Variants in KCNH7 observed in about 807,000 individuals in gnomAD.
KCNH7 encodes the protein voltage-gated inwardly rectifying potassium channel KCNH7.
KCNH7 carries 49 observed loss-of-function variants against 120.8 expected under a neutral mutation model. The ratio of observed to expected loss-of-function variants is 0.41; its 90% CI spans 0.32 to 0.51. The LOEUF (loss-of-function observed/expected upper bound fraction) is 0.51, where lower values mean the gene tolerates loss of function less well. Among genes scored for constraint, KCNH7 ranks in the 20% least tolerant of loss-of-function variants. KCNH7 has a pLI of 0.38. For missense variants in KCNH7, 1,097 were observed against 1,446.6 expected, an observed-to-expected ratio of 0.76 and a Z score of 3.92; for synonymous variants, 547 against 516.1, an observed-to-expected ratio of 1.06 and a Z score of -0.81.
At chr2:162,824,047 A>G (rs112976831) in intron 2 of KCNH7, among the ~76,000 whole-genome samples, 3,930 of 152,278 alleles carry the variant, frequency 0.026, 164 homozygotes, top group African/African-American at 0.089. Flanking sequence ...ATGATATTAT[A>G]AAATCTTACT....
rs892517888 is a variant in KCNH7, at chr2:162,518,122, A to G, written c.500T>C (p.Val167Ala). 1 of 1,611,502 alleles carries G rather than the reference A, an allele frequency of 6.2e-7. No individual in the cohort carries two copies. Among genetic ancestry groups the G allele is most frequent in the Non-Finnish European group, 8.5e-7 (1 of 1,178,340 alleles). ...FFGFKFPGLR[V>A]LTYRKQSLPQ... The stretch of plus-strand genomic sequence containing the variant: ...TAAGGACTGCTTTCTGTAAGTGAGA[A>G]CTCTCAGACCAGGGAATTTGAACCC... The change falls in exon 4 of 16, where the codon GTT becomes GCT. Residue 167 changes from valine (V) to alanine (A), a missense_variant. By Grantham distance (64) the Val-to-Ala change is moderately conservative (BLOSUM62 0). Transcript: ENST00000332142.
At chr2:162,645,927 T>C (rs976869718) in intron 2 of KCNH7, among the ~76,000 whole-genome samples, 29 of 152,282 alleles carry the variant, frequency 1.9e-4, no homozygotes, top group Admixed American at 1.8e-3. Context: ...AAATCACCCT[T>C]TTCCCTGTTG....
At chr2:162,829,562 T>C (rs1338829775) in intron 2 of KCNH7, among the ~76,000 whole-genome samples, 1 of 152,132 alleles carries the variant, frequency 6.6e-6, no homozygotes, top group East Asian at 1.9e-4. Flanking sequence ...GGTAAGTCAT[T>C]GGTGGGGTAG....
chr2:162,471,477 G>A (rs1173177196), intron 6 of KCNH7, among the ~76,000 whole-genome samples: 1 of 152,172 alleles, frequency 6.6e-6, no homozygotes, highest in African/African-American at 2.4e-5. Flanking sequence ...TGGAGATGGT[G>A]TGGGTGAAGA....
At chr2:162,652,720 C>T (rs189363154) in intron 2 of KCNH7, among the ~76,000 whole-genome samples, 2 of 152,112 alleles carry the variant, frequency 1.3e-5, no homozygotes, top group Admixed American at 6.6e-5. Context: ...GTCCATGGCC[C>T]GGGGGCTGGG....
At chr2:162,753,464 TGAATCATGA>T (rs1216229768) in intron 2 of KCNH7, among the ~76,000 whole-genome samples, 1 of 152,188 alleles carries the variant, frequency 6.6e-6, no homozygotes, top group African/African-American at 2.4e-5. Context: ...CCCTGGAATC[TGAATCATGA>T]GAAAAAATTC....
At chr2:162,433,668 T>C (rs1688143336) in intron 8 of KCNH7, among the ~76,000 whole-genome samples, 2 of 151,902 alleles carry the variant, frequency 1.3e-5, no homozygotes, top group African/African-American at 4.8e-5. Context: ...CCTCAAACCA[T>C]AAGAATCCTA....
At chr2:162,420,564 G>A (rs938358800) in intron 9 of KCNH7, among the ~76,000 whole-genome samples, 1 of 152,104 alleles carries the variant, frequency 6.6e-6, no homozygotes, top group Non-Finnish European at 1.5e-5. Flanking sequence ...TACACAAAAA[G>A]CAAAAGATGC....
At chr2:162,759,550 G>A (rs1688899199) in intron 2 of KCNH7, among the ~76,000 whole-genome samples, 1 of 151,960 alleles carries the variant, frequency 6.6e-6, no homozygotes, top group African/African-American at 2.4e-5. Context: ...AGAATAGTAA[G>A]GGCATGTCAC....
intron 9 of KCNH7, among the ~76,000 whole-genome samples, chr2:162,415,797 T>G (rs895796804): frequency 1.3e-5 from 2 of 152,152 alleles, no homozygotes; most frequent in Non-Finnish European, 2.9e-5. Flanking sequence ...TTAATGTTAT[T>G]CTCATATTTA....
At chr2:162,652,440 G>A (rs544236041) in intron 2 of KCNH7, among the ~76,000 whole-genome samples, 1 of 152,134 alleles carries the variant, frequency 6.6e-6, no homozygotes, top group Non-Finnish European at 1.5e-5. Flanking sequence ...GTGGGGGGAG[G>A]GGTAGTGTGG....
chr2:162,563,044 G>T (rs1364561900), intron 2 of KCNH7, among the ~76,000 whole-genome samples: 1 of 151,778 alleles, frequency 6.6e-6, no homozygotes, highest in East Asian at 2.0e-4. Context: ...TTTTCATAGG[G>T]TAATTATTTT....
intron 2 of KCNH7, among the ~76,000 whole-genome samples, chr2:162,662,247 G>T (rs959364605): frequency 1.3e-5 from 2 of 151,922 alleles, no homozygotes; most frequent in African/African-American, 4.8e-5. Context: ...TGGGTGACAG[G>T]GCGAGACTCT....
chr2:162,394,179 A>C (rs1030856797), intron 12 of KCNH7, among the ~76,000 whole-genome samples: 1 of 151,950 alleles, frequency 6.6e-6, no homozygotes, highest in Admixed American at 6.6e-5. Flanking sequence ...TGTCCTTGTG[A>C]ATATTAGATG....
chr2:162,386,620 A>C (rs1686580842), intron 12 of KCNH7, among the ~76,000 whole-genome samples: 1 of 151,748 alleles, frequency 6.6e-6, no homozygotes. Context: ...TCATTTCTAC[A>C]CTTTTGTGGA....
At chr2:162,521,006 C>T (rs1207743950) in intron 3 of KCNH7, among the ~76,000 whole-genome samples, 29 of 151,862 alleles carry the variant, frequency 1.9e-4, no homozygotes, top group Non-Finnish European at 3.2e-4. Context: ...CTTTTTACTT[C>T]ACCTACTGAG....
chr2:162,682,431 G>A (rs1018683145), intron 2 of KCNH7, among the ~76,000 whole-genome samples: 1 of 151,396 alleles, frequency 6.6e-6, no homozygotes, highest in Non-Finnish European at 1.5e-5. Flanking sequence ...GAGAGAGAGA[G>A]AGAGAGAGAG....
intron 6 of KCNH7, among the ~76,000 whole-genome samples, chr2:162,459,490 G>A (rs974365926): frequency 8.5e-5 from 13 of 152,104 alleles, no homozygotes; most frequent in African/African-American, 3.1e-4. Flanking sequence ...ATGGCCATGG[G>A]TCTGATTAGT....
At chr2:162,578,909 T>A (rs1490436241) in intron 2 of KCNH7, among the ~76,000 whole-genome samples, 1 of 151,480 alleles carries the variant, frequency 6.6e-6, no homozygotes, top group African/African-American at 2.4e-5. Flanking sequence ...CAAAAATTAG[T>A]TTTCATTCAG....
Sources: allele counts gnomAD v4.1 joint callset (sites outside exome capture counted in the v4.1 genomes callset), GRCh38; gene constraint gnomAD v4.1.1; transcripts MANE v1.5; gene names NCBI Gene and HGNC (gene_info 2026-07-23, HGNC 2026-07-21).